The following MEF2C variants were observed in gnomAD, a reference collection of about 807,000 sequenced individuals.
MEF2C encodes myocyte-specific enhancer factor 2C.
A neutral mutation model predicts 50.5 loss-of-function variants in MEF2C; 6 were observed. The observed-to-expected ratio is 0.12, with a 90% CI of 0.07 to 0.23. The LOEUF (loss-of-function observed/expected upper bound fraction) is 0.23. MEF2C is among the 10% of genes least tolerant of loss of function. The pLI, the probability that MEF2C is intolerant of heterozygous loss-of-function variation, is 1.00. For synonymous variants in MEF2C, 183 were observed against 228.0 expected, an observed-to-expected ratio of 0.80 and a Z score of 1.78; for missense variants, 276 against 605.0, an observed-to-expected ratio of 0.46 and a Z score of 5.70.
intron 1 of MEF2C, among the ~76,000 whole-genome samples, chr5:88,833,794 A>T (rs1475197159): frequency 6.6e-6 from 1 of 152,170 alleles, no homozygotes; most frequent in Non-Finnish European, 1.5e-5. Context: ...TTTTAAGTAG[A>T]AAAATATAAT....
intron 1 of MEF2C, among the ~76,000 whole-genome samples, chr5:88,830,724 A>AC (rs2153230961): frequency 6.6e-6 from 1 of 151,960 alleles, no homozygotes; most frequent in African/African-American, 2.4e-5. Context: ...TGTTTTTCTA[A>AC]TTTTTCACAA....
Position 88,760,890 on chromosome 5 carries a change from A to T in MEF2C, c.402+295T>A, listed in dbSNP as rs916104187. ...GATGAGATGGCTATTTATCTGTTTG[A>T]CTTTCCGAAGAGTCTTAGAGAAAGC... On this transcript the variant is annotated intron_variant, in intron 4 of 10. Transcript: ENST00000504921. 16 of 1,342,924 alleles carry T rather than the reference A, an allele frequency of 1.2e-5. No homozygotes were observed. The African/African-American group carries it at 2.4e-4, about 20-fold the overall frequency. The allele number at this position is 1,342,924 out of a possible 1,614,324, so 83.2% of individuals were successfully genotyped here. A position where few individuals can be genotyped will look rare whatever the true frequency, so the allele number is the denominator to read the frequency against.
chr5:88,816,465 C>CTTTTTTTTT (rs70996497), intron 2 of MEF2C, among the ~76,000 whole-genome samples: 8 of 86,136 alleles, frequency 9.3e-5, no homozygotes, highest in Non-Finnish European at 1.1e-4. Flanking sequence ...CTGCCTACTG[C>CTTTTTTTTT]TTTTTTTTTT....
Position 88,738,154 on chromosome 5 carries a change from T to TAC in MEF2C, c.638-6255_638-6254dup. 5 of 985,346 alleles carry TAC rather than the reference T, an allele frequency of 5.1e-6. No individual in the cohort carries two copies. In the South Asian group the frequency reaches 2.3e-4, roughly 46 times the overall value. The allele number at this position is 985,346 out of a possible 1,614,324, so 61.0% of individuals were successfully genotyped here. ...TTTCTGTTAAGAGTTCTCTCAACCC[T>TAC]ACAGAGCCTTAGTTTTCTCAATAGA... On this transcript the variant is annotated intron_variant, in intron 6 of 10. Coordinates refer to ENST00000504921, the MANE Select transcript of MEF2C (RefSeq NM_002397.5).
At chr5:88,724,227 T>C (rs756198222) in intron 10 of MEF2C, among the ~76,000 whole-genome samples, 1 of 152,162 alleles carries the variant, frequency 6.6e-6, no homozygotes, top group African/African-American at 2.4e-5. Flanking sequence ...AGAGAATTAG[T>C]TGGCACTAAC....
intron 1 of MEF2C, among the ~76,000 whole-genome samples, chr5:88,890,179 G>C (rs1834388544): frequency 6.6e-6 from 1 of 152,250 alleles, no homozygotes; most frequent in Admixed American, 6.5e-5. Context: ...GCGTGTGCGA[G>C]TTTTGGCTAG....
intron 6 of MEF2C, chr5:88,744,258 A>T: frequency 1.6e-6 from 1 of 628,240 alleles, no homozygotes; most frequent in Non-Finnish European, 2.0e-6. Context: ...TTAGCATGTT[A>T]AAAGCTTTAA....
chr5:88,785,925 G>A (rs1286436389), intron 3 of MEF2C, among the ~76,000 whole-genome samples: 1 of 152,004 alleles, frequency 6.6e-6, no homozygotes, highest in Non-Finnish European at 1.5e-5. Flanking sequence ...TTTTTTGAGG[G>A]CACTTTATCA....
At chr5:88,751,135 A>T (rs1464041868) in intron 5 of MEF2C, 2 of 974,164 alleles carry the variant, frequency 2.1e-6, no homozygotes, top group African/African-American at 3.5e-5. Flanking sequence ...GTATCAAAAT[A>T]GACATATATT....
chr5:88,836,603 A>C (rs944926665), intron 1 of MEF2C, among the ~76,000 whole-genome samples: 1 of 152,188 alleles, frequency 6.6e-6, no homozygotes, highest in Non-Finnish European at 1.5e-5. Context: ...CAGGGCAAGG[A>C]CAGGCACGCT....
chr5:88,894,374 A>G (rs1288012432), intron 1 of MEF2C, among the ~76,000 whole-genome samples: 1 of 152,178 alleles, frequency 6.6e-6, no homozygotes, highest in Non-Finnish European at 1.5e-5. Context: ...TATAATAGAT[A>G]TTTTTGTCCC....
At chr5:88,882,700 C>T (rs1190600058) in intron 1 of MEF2C, among the ~76,000 whole-genome samples, 2 of 152,158 alleles carry the variant, frequency 1.3e-5, no homozygotes, top group Non-Finnish European at 2.9e-5. Flanking sequence ...TTTAAATACA[C>T]TGGTGTGACA....
rs558963571 is a variant in MEF2C at position 88,836,328 on chromosome 5, CCTGT to C, written c.-142-12402_-142-12399del. 3.0e-4 allele frequency among the ~76,000 whole-genome samples: 45 copies of C among 152,002 alleles called. No homozygotes were observed. In the East Asian group the frequency reaches 7.0e-3, roughly 24 times the overall value. The stretch of plus-strand genomic sequence containing the variant: ...TTCACATTGCATTCTCACCTCCCTC[CCTGT>C]CTATCTAGTAGGATGACCTCTGGGA... On this transcript the variant is annotated intron_variant, in intron 1 of 10. Coordinates refer to ENST00000504921, the MANE Select transcript of MEF2C (RefSeq NM_002397.5).
intron 2 of MEF2C, among the ~76,000 whole-genome samples, chr5:88,807,280 G>A (rs796554640): frequency 6.6e-6 from 1 of 152,076 alleles, no homozygotes; most frequent in African/African-American, 2.4e-5. Context: ...CTGGAGTGTA[G>A]CGGTACTAGA....
chr5:88,742,648 A>G, intron 6 of MEF2C: 1 of 985,388 alleles, frequency 1.0e-6, no homozygotes, highest in Non-Finnish European at 1.2e-6. Context: ...AAACTCCTTA[A>G]GAATGAAGTC....
At chr5:88,737,908 C>T (rs1764782295) in intron 6 of MEF2C, 1 of 985,136 alleles carries the variant, frequency 1.0e-6, no homozygotes, top group Non-Finnish European at 1.2e-6. Context: ...TAGTTGTTAG[C>T]TTTATTAAAT....
At chr5:88,899,538 CAG>C (rs1258216223) in intron 1 of MEF2C, among the ~76,000 whole-genome samples, 2 of 152,128 alleles carry the variant, frequency 1.3e-5, no homozygotes, top group Non-Finnish European at 2.9e-5. Context: ...TGCAGTGAAA[CAG>C]AGAGTCTAAC....
chr5:88,760,040 A>C (rs1391215678), intron 4 of MEF2C, among the ~76,000 whole-genome samples: 1 of 152,246 alleles, frequency 6.6e-6, no homozygotes, highest in Admixed American at 6.5e-5. Context: ...CTAACTTACA[A>C]AAAATGAACT....
intron 4 of MEF2C, among the ~76,000 whole-genome samples, chr5:88,754,692 C>A (rs1166241652): frequency 6.6e-6 from 1 of 152,178 alleles, no homozygotes; most frequent in African/African-American, 2.4e-5. Context: ...AACAGATTTA[C>A]CTGCTCCGGT....
Sources: gnomAD v4.1 joint callset for allele counts (sites outside exome capture counted in the v4.1 genomes callset) on GRCh38, gnomAD v4.1.1 for gene constraint, MANE v1.5 for transcripts, NCBI Gene and HGNC (gene_info 2026-07-23, HGNC 2026-07-21) for gene names.